CCDC69: variants seen among roughly 807,000 people sequenced by gnomAD.
The protein encoded by CCDC69 is coiled-coil domain containing 69, also known as coiled-coil domain-containing protein 69.
A neutral mutation model predicts 40.3 loss-of-function variants in CCDC69; 38 were observed. The ratio of observed to expected loss-of-function variants is 0.94; its 90% confidence interval spans 0.73 to 1.24. The LOEUF (loss-of-function observed/expected upper bound fraction) is 1.24. CCDC69 is among the 50% of genes most tolerant of loss of function. CCDC69 has a pLI of 0.00. For synonymous variants in CCDC69, 141 were observed against 138.9 expected (o/e 1.02, Z -0.11); for missense variants, 389 against 357.9 (o/e 1.09, Z -0.70).
rs183825211 is a variant in CCDC69 at position 151,211,484 on chromosome 5, G to A, written c.49-6009C>T. Among the ~76,000 whole-genome samples, 915 of 149,868 alleles carry A rather than the reference G, an allele frequency of 6.1e-3. 9 individuals carry two copies. The highest frequency in any genetic ancestry group is 0.02 in the African/African-American group (818 of 40,730). On this transcript the variant is annotated intron_variant, in intron 1 of 8. Coordinates refer to ENST00000355417, the MANE Select transcript of CCDC69 (RefSeq NM_015621.3). ...ACACGAATGTCCAGGCTGCATTCTA[G>A]ACCTACAGTATGTGTGCTGGGAATT...
intron 4 of CCDC69, among the ~76,000 whole-genome samples, chr5:151,189,121 T>C (rs977411934): frequency 1.3e-5 from 2 of 152,166 alleles, no homozygotes; most frequent in African/African-American, 4.8e-5. Context: ...ATCCTATAGA[T>C]GTAGGAATTA....
At chr5:151,220,998 A>C (rs1440649931) in intron 1 of CCDC69, among the ~76,000 whole-genome samples, 2 of 152,140 alleles carry the variant, frequency 1.3e-5, no homozygotes, top group African/African-American at 4.8e-5. Flanking sequence ...GGGTTTAGGC[A>C]GGACCACACG....
chr5:151,201,625 A>G lies in CCDC69; in HGVS notation c.188T>C (p.Ile63Thr). Reference protein sequence around the residue: ...AERHQKDITRILQQHEEEKKK... With the variant: ...AERHQKDITRTLQQHEEEKKK... ...CTTTTCCTCCTCATGTTGCTGGAGA[A>G]TTCTGGTTATATCCTTCTGGTGCCG... Residue 63 changes from isoleucine (I) to threonine (T), a missense_variant, in exon 3 of 9, where the codon ATT becomes ACT. By Grantham distance (89) the Ile-to-Thr change is moderately conservative. Coordinates refer to ENST00000355417, the MANE Select transcript of CCDC69 (RefSeq NM_015621.3). 1 of 1,613,674 alleles carries G rather than the reference A, an allele frequency of 6.2e-7. No individual in the cohort carries two copies.
rs142877223 is a variant in CCDC69 at position 151,216,303 on chromosome 5, A to G, written c.48+7620T>C. Among the ~76,000 whole-genome samples, 317 of 152,258 alleles carry G rather than the reference A, an allele frequency of 2.1e-3. 2 individuals are homozygous for G. The highest frequency in any genetic ancestry group is 7.1e-3 in the African/African-American group (293 of 41,540). ...AAAATGCATAGGAAAAAGTACCTAG[A>G]AAAGCACAAACTGATAACAGTTGTC... is the stretch of plus-strand genomic sequence containing the variant. On this transcript the variant is annotated intron_variant, in intron 1 of 8. Coordinates refer to ENST00000355417, the MANE Select transcript of CCDC69 (RefSeq NM_015621.3).
chr5:151,213,101 C>T (rs150028890), intron 1 of CCDC69, among the ~76,000 whole-genome samples: 2 of 152,290 alleles, frequency 1.3e-5, no homozygotes, highest in East Asian at 3.9e-4. Context: ...AAATTATCTA[C>T]TACATGGCAT....
chr5:151,183,541 G>C lies in CCDC69; in HGVS notation c.787C>G (p.Gln263Glu). The change falls in exon 9 of 9, where the codon CAG becomes GAG. Residue 263 changes from glutamine to glutamate, a missense_variant. Transcript: ENST00000355417. ...CGGTACAACAGCTCCTCCTTCTCCTGCTGGAGCTGTCGCCGCAGCTGCACC... is the reference window on the plus strand; with the variant it reads ...CGGTACAACAGCTCCTCCTTCTCCTCCTGGAGCTGTCGCCGCAGCTGCACC... ...KEVQLRRQLQQEKEELLYRVL... is the reference protein window; with the variant it reads ...KEVQLRRQLQEEKEELLYRVL... 2 of 1,611,396 alleles carry C rather than the reference G, an allele frequency of 1.2e-6. No homozygotes were observed. Among genetic ancestry groups the C allele is most frequent in the Non-Finnish European group, 1.7e-6 (2 of 1,179,216 alleles).
intron 4 of CCDC69, among the ~76,000 whole-genome samples, chr5:151,193,048 A>G (rs949014216): frequency 2.0e-5 from 3 of 152,346 alleles, no homozygotes; most frequent in African/African-American, 7.2e-5. Flanking sequence ...TTTAAAATGT[A>G]TGGAAGGATG....
At chr5:151,214,361 C>T (rs924346432) in intron 1 of CCDC69, among the ~76,000 whole-genome samples, 66 of 152,108 alleles carry the variant, frequency 4.3e-4, no homozygotes, top group Admixed American at 1.1e-3. Context: ...CCAGGGCCTT[C>T]GGGGAGGAAG....
intron 6 of CCDC69, 102 bp from the exon 7 acceptor site, chr5:151,185,643 C>A: frequency 8.3e-7 from 1 of 1,203,942 alleles, no homozygotes; most frequent in South Asian, 1.4e-5. Context: ...ACCCACCTTC[C>A]TCTCTCAGCC....
rs1361445585 is a variant in CCDC69, at chr5:151,190,221, G to A, written c.320-2762C>T. 3.9e-5 allele frequency among the ~76,000 whole-genome samples: 6 copies of A among 152,170 alleles called. No individual in the cohort carries two copies. In the East Asian group the frequency reaches 1.2e-3, roughly 29 times the overall value. On this transcript the variant is annotated intron_variant, in intron 4 of 8. Transcript: ENST00000355417. ...TCTTCCCTTGAGCTCTTTAAAATAT[G>A]ATTGATGATTAAATGCAAAAATTAT...
At chr5:151,196,810 T>C (rs934204264) in intron 4 of CCDC69, among the ~76,000 whole-genome samples, 4 of 152,314 alleles carry the variant, frequency 2.6e-5, no homozygotes, top group African/African-American at 9.6e-5. Flanking sequence ...GGAAAACAGT[T>C]TGGCAGTTGT....
intron 1 of CCDC69, among the ~76,000 whole-genome samples, chr5:151,208,574 C>T (rs1176631404): frequency 2.6e-5 from 4 of 152,222 alleles, no homozygotes; most frequent in Non-Finnish European, 4.4e-5. Context: ...CTGGTGAAGA[C>T]TCAATCCTCC....
chr5:151,191,113 C>T lies in CCDC69; in HGVS notation c.320-3654G>A, dbSNP rs756310881. On this transcript the variant is annotated intron_variant, in intron 4 of 8. Coordinates refer to ENST00000355417, the MANE Select transcript of CCDC69 (RefSeq NM_015621.3). ...AGTTGAAATTAAAAAAAAAAACCAC[C>T]CACCAACTAACTACGTGCTATTTAC... 1.1e-4 allele frequency among the ~76,000 whole-genome samples: 16 copies of T among 151,652 alleles called. No homozygotes were observed. In the South Asian group the frequency reaches 1.2e-3, roughly 12 times the overall value.
chr5:151,183,671 A>AACCC, intron 8 of CCDC69, 57 bp from the exon 9 acceptor site: 3 of 1,492,196 alleles, frequency 2.0e-6, no homozygotes, highest in Admixed American at 4.1e-5. Flanking sequence ...CACAGAGACC[A>AACCC]ACCCATTCCC....
intron 1 of CCDC69, among the ~76,000 whole-genome samples, chr5:151,207,202 G>C (rs187814690): frequency 1.3e-5 from 2 of 152,226 alleles, no homozygotes; most frequent in Admixed American, 1.3e-4. Context: ...AGAGGCCTGA[G>C]CCACTGTACC....
intron 1 of CCDC69, among the ~76,000 whole-genome samples, chr5:151,223,359 A>G (rs576584344): frequency 2.9e-4 from 44 of 152,368 alleles, no homozygotes; most frequent in African/African-American, 1.0e-3. Flanking sequence ...GGGGCCTGCA[A>G]GAGCCCTAAG....
At chr5:151,189,211 AAG>A (rs1752569173) in intron 4 of CCDC69, among the ~76,000 whole-genome samples, 1 of 152,236 alleles carries the variant, frequency 6.6e-6, no homozygotes, top group African/African-American at 2.4e-5. Flanking sequence ...AAGAAGGAAA[AAG>A]AGAAAAGGAA....
rs942306440 is a variant in CCDC69 at position 151,182,878 on chromosome 5, G to A, written c.*559C>T. 6 of 363,054 alleles carry A rather than the reference G, an allele frequency of 1.7e-5. No homozygotes were observed. The highest frequency in any genetic ancestry group is 3.3e-5 in the Non-Finnish European group (6 of 182,240). 22.5% of individuals were successfully genotyped at this position (363,054 alleles called of 1,614,324 possible). A position where few individuals can be genotyped will look rare whatever the true frequency, so the allele number is the denominator to read the frequency against. On this transcript the variant is annotated 3_prime_UTR_variant, in exon 9 of 9. Coordinates refer to ENST00000355417, the MANE Select transcript of CCDC69 (RefSeq NM_015621.3). Reference sequence around the variant, plus strand: ...TCACCTTCCCCACTCTGATTTGCGGGGTTTGTCCACACTCCCCCCAACCCC... The same window carrying A: ...TCACCTTCCCCACTCTGATTTGCGGAGTTTGTCCACACTCCCCCCAACCCC...
chr5:151,187,377 C>T lies in CCDC69; in HGVS notation c.393+9G>A. 6.2e-7 allele frequency: 1 copy of T among 1,612,810 alleles called. No homozygotes were observed. Among genetic ancestry groups the T allele is most frequent in the South Asian group, 1.1e-5 (1 of 91,054 alleles). On this transcript the variant is annotated intron_variant, in intron 5 of 8. Transcript: ENST00000355417. ...TTATCCAAGACTGACACGACCCAGC[C>T]CCTCTCACCTGCTGGGTAGAACTGG... is the stretch of plus-strand genomic sequence containing the variant.
Sources: allele counts gnomAD v4.1 joint callset (sites outside exome capture counted in the v4.1 genomes callset), GRCh38; gene constraint gnomAD v4.1.1; transcripts MANE v1.5; gene names NCBI Gene and HGNC (gene_info 2026-07-23, HGNC 2026-07-21).